The following MB21D2 variants were observed in gnomAD, a reference collection of about 807,000 sequenced individuals.
MB21D2 encodes the protein nucleotidyltransferase MB21D2.
Under a neutral mutation model 33.3 loss-of-function variants are expected in MB21D2, and 9 were observed. The ratio of observed to expected loss-of-function variants is 0.27; its 90% CI spans 0.16 to 0.47. The LOEUF (loss-of-function observed/expected upper bound fraction) is 0.47, where lower values mean the gene tolerates loss of function less well. Among genes scored for constraint, MB21D2 ranks in the 20% least tolerant of loss-of-function variants. The probability of loss-of-function intolerance (pLI) is 0.99; values close to 1 mark genes in which losing one functional copy is unlikely to be tolerated. For synonymous variants in MB21D2, 241 were observed against 236.3 expected (o/e 1.02, Z -0.18); for missense variants, 540 against 624.6 (o/e 0.86, Z 1.44).
intron 1 of MB21D2, among the ~76,000 whole-genome samples, chr3:192,915,121 T>C (rs1009283290): frequency 7.2e-5 from 11 of 152,214 alleles, no homozygotes; most frequent in African/African-American, 2.6e-4. Flanking sequence ...TGTAAGCTGC[T>C]AACAATCCCC....
intron 1 of MB21D2, among the ~76,000 whole-genome samples, chr3:192,822,043 A>G (rs548140480): frequency 6.6e-6 from 1 of 152,152 alleles, no homozygotes; most frequent in South Asian, 2.1e-4. Flanking sequence ...ATATCTTTAC[A>G]TGGAAATACG....
chr3:192,868,353 G>A (rs1306156647), intron 1 of MB21D2, among the ~76,000 whole-genome samples: 3 of 152,192 alleles, frequency 2.0e-5, no homozygotes, highest in Non-Finnish European at 4.4e-5. Context: ...GCAGAGGGGA[G>A]AGAATCTCTT....
chr3:192,801,098 T>C (rs966468027), intron 1 of MB21D2, among the ~76,000 whole-genome samples: 5 of 152,200 alleles, frequency 3.3e-5, no homozygotes, highest in Non-Finnish European at 7.3e-5. Flanking sequence ...AGTAGGAACA[T>C]AATTCAAGCT....
intron 1 of MB21D2, among the ~76,000 whole-genome samples, chr3:192,879,867 G>C (rs368799089): frequency 4.6e-5 from 7 of 152,102 alleles, no homozygotes; most frequent in African/African-American, 1.4e-4. Context: ...CTTGCCCAAG[G>C]CCAAATTCCT....
At chr3:192,824,489 C>G (rs1712125878) in intron 1 of MB21D2, among the ~76,000 whole-genome samples, 1 of 112,744 alleles carries the variant, frequency 8.9e-6, no homozygotes, top group African/African-American at 4.1e-5. Context: ...GGTCTGATTT[C>G]TGAAAATAAA....
chr3:192,873,112 C>T (rs1713347605), intron 1 of MB21D2, among the ~76,000 whole-genome samples: 1 of 152,140 alleles, frequency 6.6e-6, no homozygotes. Flanking sequence ...GCTGCCCTCC[C>T]CACTGTCTCC....
chr3:192,870,510 T>C (rs964864751), intron 1 of MB21D2, among the ~76,000 whole-genome samples: 3 of 151,472 alleles, frequency 2.0e-5, no homozygotes, highest in African/African-American at 7.3e-5. Flanking sequence ...GGAAACATGG[T>C]GAAACCCCAC....
intron 1 of MB21D2, among the ~76,000 whole-genome samples, chr3:192,886,177 C>A (rs1713729425): frequency 6.6e-6 from 1 of 152,080 alleles, no homozygotes; most frequent in South Asian, 2.1e-4. Flanking sequence ...TCAGGCTGGT[C>A]TTGAACTCCT....
intron 1 of MB21D2, among the ~76,000 whole-genome samples, chr3:192,898,130 A>G (rs966090261): frequency 1.3e-5 from 2 of 150,582 alleles, no homozygotes; most frequent in African/African-American, 4.9e-5. Flanking sequence ...AGTAATTTGC[A>G]TAATTAAATT....
At chr3:192,871,299 A>G (rs1360067744) in intron 1 of MB21D2, among the ~76,000 whole-genome samples, 5 of 152,230 alleles carry the variant, frequency 3.3e-5, no homozygotes, top group Non-Finnish European at 7.3e-5. Context: ...CTTATGAAAA[A>G]TGACGGTTAT....
At chr3:192,838,290 G>A (rs1179043136) in intron 1 of MB21D2, among the ~76,000 whole-genome samples, 1 of 152,186 alleles carries the variant, frequency 6.6e-6, no homozygotes, top group African/African-American at 2.4e-5. Flanking sequence ...GGAAACCACA[G>A]TGCCTTTAAT....
At chr3:192,853,398 C>T (rs1418200295) in intron 1 of MB21D2, among the ~76,000 whole-genome samples, 1 of 152,202 alleles carries the variant, frequency 6.6e-6, no homozygotes, top group Non-Finnish European at 1.5e-5. Flanking sequence ...TATCACTGGA[C>T]ACCTATGCAG....
chr3:192,891,714 C>A (rs1713857014), intron 1 of MB21D2, among the ~76,000 whole-genome samples: 1 of 152,076 alleles, frequency 6.6e-6, no homozygotes, highest in Non-Finnish European at 1.5e-5. Flanking sequence ...AGCTACATGA[C>A]CTCTGGTAAA....
intron 1 of MB21D2, among the ~76,000 whole-genome samples, chr3:192,819,886 G>A (rs1030958717): frequency 3.3e-5 from 5 of 152,198 alleles, no homozygotes; most frequent in African/African-American, 1.2e-4. Context: ...AGCAGGCCCT[G>A]CAGCTCCTGC....
intron 1 of MB21D2, among the ~76,000 whole-genome samples, chr3:192,839,634 T>C (rs1712526132): frequency 6.6e-6 from 1 of 152,192 alleles, no homozygotes; most frequent in South Asian, 2.1e-4. Context: ...GTGTATATTA[T>C]TTACCTAAGT....
chr3:192,917,723 T>C lies in MB21D2; in HGVS notation c.118A>G (p.Ile40Val), dbSNP rs772521278. 3.7e-6 allele frequency: 6 copies of C among 1,613,824 alleles called. No homozygotes were observed. Among genetic ancestry groups the C allele is most frequent in the Middle Eastern group, 1.7e-4 (1 of 6,060 alleles). The change falls in exon 1 of 2, where the codon ATC (isoleucine) becomes GTC (valine). Residue 40 changes from isoleucine to valine, a missense_variant. Transcript: ENST00000392452. ...GARVEELNKL[I>V]QEFTKHDQRE... ...TGGTCGTGCTTCGTAAATTCTTGGA[T>C]GAGTTTGTTCAATTCCTCCACCCGA... is the stretch of plus-strand genomic sequence containing the variant.
At chr3:192,896,407 CCT>C (rs1469663592) in intron 1 of MB21D2, among the ~76,000 whole-genome samples, 2 of 68,066 alleles carry the variant, frequency 2.9e-5, no homozygotes, top group African/African-American at 5.4e-5. Flanking sequence ...TATGTTGTCC[CCT>C]GTTGTGCAGT....
At chr3:192,818,374 G>A (rs575494453) in intron 1 of MB21D2, among the ~76,000 whole-genome samples, 2 of 152,288 alleles carry the variant, frequency 1.3e-5, no homozygotes, top group South Asian at 2.1e-4. Flanking sequence ...ACAATTAAAA[G>A]TTGGATTGCT....
chr3:192,804,560 A>G (rs1443793186), intron 1 of MB21D2, among the ~76,000 whole-genome samples: 1 of 152,176 alleles, frequency 6.6e-6, no homozygotes, highest in African/African-American at 2.4e-5. Context: ...CTTTTTATAT[A>G]CCTTTGACTA....
Sources: gnomAD v4.1 joint callset for allele counts (sites outside exome capture counted in the v4.1 genomes callset) on GRCh38, gnomAD v4.1.1 for gene constraint, MANE v1.5 for transcripts, NCBI Gene and HGNC (gene_info 2026-07-23, HGNC 2026-07-21) for gene names.